GRM8: variants seen among roughly 807,000 people sequenced by gnomAD.
GRM8 encodes glutamate metabotropic receptor 8, also known as metabotropic glutamate receptor 8.
GRM8 carries 47 observed loss-of-function variants against 87.2 expected under a neutral mutation model. The observed-to-expected ratio is 0.54, with a 90% confidence interval of 0.43 to 0.69. GRM8 has a LOEUF of 0.69. GRM8 is among the 30% of genes least tolerant of loss of function. The pLI is 0.00. For synonymous variants in GRM8, 396 were observed against 404.5 expected (o/e 0.98, Z 0.25); for missense variants, 1,019 against 1,139.2 (o/e 0.89, Z 1.52).
At chr7:126,717,398 G>C (rs1444576343) in intron 7 of GRM8, among the ~76,000 whole-genome samples, 2 of 152,114 alleles carry the variant, frequency 1.3e-5, no homozygotes, top group Non-Finnish European at 2.9e-5. Context: ...GGACACGAGT[G>C]CTGGGAGTAA....
intron 8 of GRM8, among the ~76,000 whole-genome samples, chr7:126,536,145 A>C (rs183704707): frequency 1.3e-5 from 2 of 152,362 alleles, no homozygotes; most frequent in Non-Finnish European, 2.9e-5. Flanking sequence ...GTAGTTATCT[A>C]TCCAGAAGGC....
chr7:127,068,149 A>G (rs1208790087), intron 3 of GRM8, among the ~76,000 whole-genome samples: 2 of 152,176 alleles, frequency 1.3e-5, no homozygotes, highest in African/African-American at 4.8e-5. Flanking sequence ...AATATCTAGT[A>G]TTAATGAAAC....
chr7:127,065,760 G>A (rs1821044544), intron 3 of GRM8, among the ~76,000 whole-genome samples: 1 of 152,218 alleles, frequency 6.6e-6, no homozygotes, highest in African/African-American at 2.4e-5. Flanking sequence ...GCCCACCAGC[G>A]AAGTCTGGGA....
rs547666434 is a variant in GRM8, at chr7:127,241,208, C to A, written c.510+1487G>T. ...GGAAATCCATACAGAGGCTGCACAG[C>A]CACTCAAGGGGGTGTTACAAAGAGG... is the stretch of plus-strand genomic sequence containing the variant. On this transcript the variant is annotated intron_variant, in intron 2 of 10. Transcript: ENST00000339582. Among the ~76,000 whole-genome samples, 3 of 152,320 alleles carry A rather than the reference C, an allele frequency of 2.0e-5. No homozygotes were observed. The South Asian group carries it at 6.2e-4, about 32-fold the overall frequency.
chr7:126,708,726 A>G (rs1810801087), intron 7 of GRM8, among the ~76,000 whole-genome samples: 1 of 152,016 alleles, frequency 6.6e-6, no homozygotes, highest in South Asian at 2.1e-4. Flanking sequence ...ATACCTCATA[A>G]ACTCAGTTAT....
chr7:126,939,029 G>A (rs1054293067), intron 3 of GRM8, among the ~76,000 whole-genome samples: 4 of 152,112 alleles, frequency 2.6e-5, no homozygotes, highest in Non-Finnish European at 4.4e-5. Context: ...CCAGTTCATA[G>A]TATGATTTCA....
chr7:127,130,485 T>C (rs757695365), intron 2 of GRM8, among the ~76,000 whole-genome samples: 9 of 152,322 alleles, frequency 5.9e-5, no homozygotes, highest in East Asian at 1.9e-4. Context: ...AAGGAACTTA[T>C]TGAGAACTGG....
At chr7:126,766,407 C>A (rs1203897683) in intron 7 of GRM8, among the ~76,000 whole-genome samples, 1 of 152,056 alleles carries the variant, frequency 6.6e-6, no homozygotes, top group African/African-American at 2.4e-5. Flanking sequence ...TCAAAAAGAA[C>A]TAATTTAACA....
At chr7:127,046,326 C>G (rs918708327) in intron 3 of GRM8, among the ~76,000 whole-genome samples, 1 of 151,482 alleles carries the variant, frequency 6.6e-6, no homozygotes, top group African/African-American at 2.4e-5. Flanking sequence ...GAGCCGAGGT[C>G]GCACCACTGC....
intron 8 of GRM8, among the ~76,000 whole-genome samples, chr7:126,601,512 C>T (rs1449082778): frequency 1.3e-5 from 2 of 152,028 alleles, no homozygotes; most frequent in African/African-American, 2.4e-5. Flanking sequence ...GCCACACTGA[C>T]TTCCACAATG....
At chr7:126,546,513 T>G (rs911834861) in intron 8 of GRM8, among the ~76,000 whole-genome samples, 2 of 152,280 alleles carry the variant, frequency 1.3e-5, no homozygotes, top group East Asian at 3.9e-4. Context: ...GAAGGGAATA[T>G]GGCCCTAGTC....
At chr7:127,163,997 T>C (rs1312534799) in intron 2 of GRM8, among the ~76,000 whole-genome samples, 1 of 152,050 alleles carries the variant, frequency 6.6e-6, no homozygotes, top group Non-Finnish European at 1.5e-5. Flanking sequence ...TAATCCCCAA[T>C]GTTGGAAGTG....
At chr7:126,646,427 G>T (rs903215748) in intron 7 of GRM8, among the ~76,000 whole-genome samples, 2 of 152,084 alleles carry the variant, frequency 1.3e-5, no homozygotes, top group East Asian at 1.9e-4. Context: ...TTACCTAAAA[G>T]ACTATCTCCA....
At chr7:127,169,871 A>G (rs994324509) in intron 2 of GRM8, among the ~76,000 whole-genome samples, 1 of 152,216 alleles carries the variant, frequency 6.6e-6, no homozygotes, top group Non-Finnish European at 1.5e-5. Context: ...GTTGAGACCT[A>G]CTGCTCAGGA....
chr7:126,600,977 T>A (rs1040702004), intron 8 of GRM8, among the ~76,000 whole-genome samples: 3 of 151,738 alleles, frequency 2.0e-5, no homozygotes, highest in Admixed American at 6.6e-5. Flanking sequence ...CATGTGCACA[T>A]TGTGCAGGTT....
intron 2 of GRM8, among the ~76,000 whole-genome samples, chr7:127,214,895 C>T (rs1289219011): frequency 6.6e-6 from 1 of 152,168 alleles, no homozygotes; most frequent in Non-Finnish European, 1.5e-5. Flanking sequence ...TCTGCCTAGA[C>T]ATTTTTAATA....
chr7:126,662,841 G>C (rs1487075160), intron 7 of GRM8, among the ~76,000 whole-genome samples: 1 of 152,112 alleles, frequency 6.6e-6, no homozygotes, highest in Non-Finnish European at 1.5e-5. Flanking sequence ...TTGATGGATG[G>C]GGTGTTGCTC....
At chr7:127,005,961 T>C (rs1019875849) in intron 3 of GRM8, among the ~76,000 whole-genome samples, 3 of 151,810 alleles carry the variant, frequency 2.0e-5, no homozygotes, top group Non-Finnish European at 2.9e-5. Flanking sequence ...CCATAACAAA[T>C]TCATTTTCCC....
At chr7:127,196,201 T>G (rs1265670925) in intron 2 of GRM8, among the ~76,000 whole-genome samples, 1 of 152,172 alleles carries the variant, frequency 6.6e-6, no homozygotes, top group African/African-American at 2.4e-5. Flanking sequence ...TCAGTCTCTG[T>G]CTACATAGTC....
Sources: gnomAD v4.1 joint callset for allele counts (sites outside exome capture counted in the v4.1 genomes callset) on GRCh38, gnomAD v4.1.1 for gene constraint, MANE v1.5 for transcripts, NCBI Gene and HGNC (gene_info 2026-07-23, HGNC 2026-07-21) for gene names.